ADPRHL1: variants seen among roughly 807,000 people sequenced by gnomAD.
The protein encoded by ADPRHL1 is inactive ADP-ribosyltransferase ARH2.
Under a neutral mutation model 44.1 loss-of-function variants are expected in ADPRHL1, and 43 were observed. That is an observed-to-expected ratio of 0.98 (90% CI 0.76 to 1.26). The LOEUF (loss-of-function observed/expected upper bound fraction) is 1.26, where lower values mean the gene tolerates loss of function less well. Among genes scored for constraint, ADPRHL1 ranks in the 50% most tolerant of loss-of-function variants. The pLI is 0.00. For missense variants in ADPRHL1, 2,022 were observed against 2,496.9 expected (o/e 0.81, Z 4.05); for synonymous variants, 878 against 1,017.4 (o/e 0.86, Z 2.61).
intron 7 of ADPRHL1, among the ~76,000 whole-genome samples, chr13:113,411,174 T>A (rs997097853): frequency 3.3e-5 from 5 of 152,152 alleles, no homozygotes; most frequent in African/African-American, 1.2e-4. Context: ...AATAGAAAGA[T>A]GAAAAACAGA....
Position 113,409,377 on chromosome 13 carries a change from A to G in ADPRHL1, c.1062-1157T>C. 1 of 985,370 alleles carries G rather than the reference A, an allele frequency of 1.0e-6. No individual in the cohort carries two copies. Among genetic ancestry groups the G allele is most frequent in the Non-Finnish European group, 1.2e-6 (1 of 829,920 alleles). The allele number at this position is 985,370 out of a possible 1,614,324, so 61.0% of individuals were successfully genotyped here. On this transcript the variant is annotated intron_variant, in intron 7 of 7. Coordinates refer to ENST00000612156, the MANE Select transcript of ADPRHL1 (RefSeq NM_001394807.1). The surrounding 1 kb of genome is among the most constrained non-coding windows in gnomAD (Gnocchi z 4.2). Reference sequence around the variant, plus strand: ...CACCTGTTAGTCATTCATTCTAAGGAGATCATCAGGGATGAGGAACAAAGA... The same window carrying G: ...CACCTGTTAGTCATTCATTCTAAGGGGATCATCAGGGATGAGGAACAAAGA...
At chr13:113,421,288 C>T (rs111539202) in intron 7 of ADPRHL1, among the ~76,000 whole-genome samples, 9,832 of 75,458 alleles carry the variant, frequency 0.13, 2,490 homozygotes, top group Non-Finnish European at 0.17. Flanking sequence ...CCTCTACCCC[C>T]GGGACACGCC....
chr13:113,443,446 G>GAA (rs112291276), intron 2 of ADPRHL1, among the ~76,000 whole-genome samples: 2 of 130,254 alleles, frequency 1.5e-5, no homozygotes, highest in Admixed American at 7.8e-5. Flanking sequence ...CTTCTCTACA[G>GAA]AAAAAAAAAA....
intron 7 of ADPRHL1, among the ~76,000 whole-genome samples, chr13:113,417,927 A>G (rs750182195): frequency 8.5e-5 from 13 of 152,248 alleles, no homozygotes; most frequent in Non-Finnish European, 1.8e-4. Context: ...ATTGAACATC[A>G]GTTTGGGTAT....
chr13:113,422,801 G>C (rs1208615940), intron 7 of ADPRHL1, 25 bp downstream of exon 7: 3 of 1,612,510 alleles, frequency 1.9e-6, no homozygotes, highest in Non-Finnish European at 2.5e-6. Context: ...GCTCTCTAGG[G>C]GGAAAGTGGC....
At chr13:113,429,350 C>T (rs1006106730) in intron 3 of ADPRHL1, among the ~76,000 whole-genome samples, 3 of 152,216 alleles carry the variant, frequency 2.0e-5, no homozygotes, top group East Asian at 3.9e-4. Flanking sequence ...AGGCCCTGGC[C>T]GCCCCCAGTT....
At chr13:113,452,953 A>C (rs562292531) in intron 1 of ADPRHL1, among the ~76,000 whole-genome samples, 1 of 152,352 alleles carries the variant, frequency 6.6e-6, no homozygotes, top group East Asian at 1.9e-4. Flanking sequence ...TACAAATACA[A>C]GTGAAAAGTC....
At position 113,433,779 on chromosome 13, in the gene ADPRHL1, G is replaced by T; in HGVS notation, c.468C>A (p.Ser156Arg). The T allele has an allele frequency of 6.3e-7, 1 of 1,593,924 alleles. No homozygotes were observed. The highest frequency in any genetic ancestry group is 8.5e-7 in the Non-Finnish European group (1 of 1,171,966). ...PERLETLIEV[S>R]VECGRMTHNH... ...TGTGGGTCATCCGGCCGCACTCCAC[G>T]CTGACCTCGATGAGGGTCTCCAGCC... The change falls in exon 3 of 8, where the codon AGC (serine) becomes AGA (arginine). Residue 156 changes from serine (S) to arginine (R), a missense_variant. Physicochemically the swap from Ser to Arg is moderately radical, Grantham distance 110. Transcript: ENST00000612156.
chr13:113,433,413 T>G (rs187383642), intron 3 of ADPRHL1, among the ~76,000 whole-genome samples: 4 of 152,334 alleles, frequency 2.6e-5, no homozygotes, highest in Non-Finnish European at 2.9e-5. Context: ...TTGCACAGTT[T>G]CTTCAACATC....
At chr13:113,424,479 G>C in intron 5 of ADPRHL1, 130 bp from the exon 6 acceptor site, 2 of 1,292,382 alleles carry the variant, frequency 1.5e-6, no homozygotes, top group South Asian at 2.9e-5. Context: ...TTTTTGAGAT[G>C]AATCTGGCTC....
chr13:113,428,561 C>T (rs1164471962), intron 4 of ADPRHL1, among the ~76,000 whole-genome samples: 1 of 152,258 alleles, frequency 6.6e-6, no homozygotes, highest in Non-Finnish European at 1.5e-5. Flanking sequence ...AAGGGCCCAG[C>T]CCTGAGCTCG....
At chr13:113,452,875 C>T (rs1313490400) in intron 1 of ADPRHL1, among the ~76,000 whole-genome samples, 3 of 152,236 alleles carry the variant, frequency 2.0e-5, no homozygotes, top group Non-Finnish European at 4.4e-5. Context: ...CCCACCAGCA[C>T]GGCCGAGAGA....
chr13:113,449,081 C>T, intron 1 of ADPRHL1: 1 of 988,842 alleles, frequency 1.0e-6, no homozygotes, highest in Non-Finnish European at 1.2e-6. Flanking sequence ...TGCCACCTCT[C>T]CTATGTGTCT....
At chr13:113,413,163 C>T (rs955228771) in intron 7 of ADPRHL1, among the ~76,000 whole-genome samples, 4 of 149,556 alleles carry the variant, frequency 2.7e-5, no homozygotes, top group East Asian at 3.9e-4. Context: ...AACAGCGCCT[C>T]GCAGAACTCG....
In ADPRHL1 at chr13:113,407,924, C is replaced by G; in HGVS notation, c.1358G>C (p.Arg453Pro). ...RYLKRTREVG[R>P]LISKDKQGPG... ...CCCCTGCTTGTCCTTGGAGATCAGC[C>G]GGCCCACCTCCCTGGTCCTCTTGAG... is the stretch of plus-strand genomic sequence containing the variant. The change falls in exon 8 of 8, where the codon CGG becomes CCG. Residue 453 changes from arginine (R) to proline (P), a missense_variant. Arg to Pro is a moderately radical substitution (Grantham distance 103, BLOSUM62 -2). Transcript: ENST00000612156. The G allele has an allele frequency of 8.1e-7, 1 of 1,231,952 alleles. No homozygotes were observed. Among genetic ancestry groups the G allele is most frequent in the Admixed American group, 4.2e-5 (1 of 23,726 alleles). 76.3% of individuals were successfully genotyped at this position (1,231,952 alleles called of 1,614,324 possible). A position where few individuals can be genotyped will look rare whatever the true frequency, so the allele number is the denominator to read the frequency against.
chr13:113,425,706 AGTCTCTCTCT>A (rs2043963779), intron 4 of ADPRHL1, among the ~76,000 whole-genome samples: 2 of 124,496 alleles, frequency 1.6e-5, no homozygotes, highest in Non-Finnish European at 3.3e-5. Flanking sequence ...TTTGAGACGG[AGTCTCTCTCT>A]GTTGCCCAGG....
In ADPRHL1 at chr13:113,407,040, C is replaced by A. The variant is rs867812599; in HGVS notation, c.2242G>T (p.Ala748Ser). ...AGGDGTADPT[A>S]ESTAGGVQEV... ...TGGACGCCTCCTGCGGTGCTCTCTG[C>A]GGTGGGGTCTGCAGTCCCATCACCT... Residue 748 changes from alanine (A) to serine (S), a missense_variant, in exon 8 of 8, where the codon GCA (alanine) becomes TCA (serine). By Grantham distance (99) the Ala-to-Ser change is moderately conservative. Coordinates refer to ENST00000612156, the MANE Select transcript of ADPRHL1 (RefSeq NM_001394807.1). The A allele has an allele frequency of 3.7e-5, 46 of 1,232,140 alleles. No individual in the cohort carries two copies. The highest frequency in any genetic ancestry group is 4.5e-5 in the Non-Finnish European group (44 of 988,064). The allele number at this position is 1,232,140 out of a possible 1,614,324, so 76.3% of individuals were successfully genotyped here. A position where few individuals can be genotyped will look rare whatever the true frequency, so the allele number is the denominator to read the frequency against.
At chr13:113,414,388 C>A (rs1032036304) in intron 7 of ADPRHL1, among the ~76,000 whole-genome samples, 2 of 151,534 alleles carry the variant, frequency 1.3e-5, no homozygotes, top group African/African-American at 2.4e-5. Context: ...GCCGCCCCCC[C>A]TTCCTCCCCT....
intron 5 of ADPRHL1, 91 bp downstream of exon 5, chr13:113,424,961 C>A: frequency 6.7e-7 from 1 of 1,496,162 alleles, no homozygotes; most frequent in Admixed American, 1.8e-5. Flanking sequence ...CATCCATTCA[C>A]CTACCCACCC....
Sources: allele counts gnomAD v4.1 joint callset (sites outside exome capture counted in the v4.1 genomes callset), GRCh38; gene constraint gnomAD v4.1.1; non-coding constraint Gnocchi (gnomAD v3.1); transcripts MANE v1.5; gene names NCBI Gene and HGNC (gene_info 2026-07-23, HGNC 2026-07-21).